Variants in ETV1 observed in about 807,000 individuals in gnomAD.
The protein encoded by ETV1 is ETS variant transcription factor 1.
In ETV1, 27 loss-of-function variants were observed where a neutral mutation model predicts 62.3. The ratio of observed to expected loss-of-function variants is 0.43; its 90% CI spans 0.32 to 0.60. The LOEUF (loss-of-function observed/expected upper bound fraction) is 0.60, where lower values mean the gene tolerates loss of function less well. Ranked by LOEUF, ETV1 falls within the 20% of genes least tolerant of loss-of-function variation. The pLI is 0.06. For synonymous variants in ETV1, 222 were observed against 199.6 expected (o/e 1.11, Z -0.94); for missense variants, 605 against 605.8 (o/e 1.00, Z 0.01).
At chr7:13,986,597 T>G in intron 5 of ETV1, 41 bp downstream of exon 5, 1 of 1,608,402 alleles carries the variant, frequency 6.2e-7, no homozygotes, top group Non-Finnish European at 8.5e-7. Context: ...TTTCTCCTTC[T>G]AGAGTTGCTT....
chr7:13,902,258 ACCTTTCTCCAGGTTTTTTTTTT>A (rs887338167), intron 12 of ETV1, among the ~76,000 whole-genome samples: 33 of 152,056 alleles, frequency 2.2e-4, no homozygotes, highest in African/African-American at 8.0e-4. Flanking sequence ...ATTAGTAATA[ACCTTTCTCCAGGTTTTTTTTTT>A]CCTTTAGAAA....
At chr7:13,923,691 T>C (rs953978892) in intron 9 of ETV1, among the ~76,000 whole-genome samples, 1 of 152,036 alleles carries the variant, frequency 6.6e-6, no homozygotes, top group Non-Finnish European at 1.5e-5. Flanking sequence ...TAAGGAAGTA[T>C]ATGAGGAGCC....
Position 13,989,395 on chromosome 7 carries a change from A to G in ETV1, c.-215T>C. ...CCTGCGCGGTCGGTGTACCCCGGGC[A>G]GCTCTGATTCGCAAACGTGTGCAAA... On this transcript the variant is annotated 5_prime_UTR_variant, in exon 2 of 14. Coordinates refer to ENST00000430479, the MANE Select transcript of ETV1 (RefSeq NM_004956.5). The G allele has an allele frequency of 2.2e-6, 1 of 450,736 alleles. No individual in the cohort carries two copies. The allele number at this position is 450,736 out of a possible 1,614,324, so 27.9% of individuals were successfully genotyped here. A position where few individuals can be genotyped will look rare whatever the true frequency, so the allele number is the denominator to read the frequency against.
chr7:13,946,746 G>T (rs977442857), intron 6 of ETV1, among the ~76,000 whole-genome samples: 2 of 151,882 alleles, frequency 1.3e-5, no homozygotes, highest in Non-Finnish European at 2.9e-5. Context: ...AAATATAAGG[G>T]GAGAATATGA....
chr7:13,987,068 T>A (rs561127127), intron 4 of ETV1: 1 of 183,278 alleles, frequency 5.5e-6, no homozygotes, highest in East Asian at 1.7e-4. Context: ...GGGGGAAGAT[T>A]AGAAAGACTG....
At chr7:13,988,812 G>C (rs1782805298) in intron 3 of ETV1, 196 bp downstream of exon 3, 1 of 1,604,362 alleles carries the variant, frequency 6.2e-7, no homozygotes. Flanking sequence ...ACAAAACTAT[G>C]CCTTATCCAA....
At chr7:13,978,685 A>T (rs1781687238) in intron 5 of ETV1, among the ~76,000 whole-genome samples, 1 of 152,002 alleles carries the variant, frequency 6.6e-6, no homozygotes, top group African/African-American at 2.4e-5. Flanking sequence ...TTAAGAAAAA[A>T]ATCTACATAA....
intron 6 of ETV1, among the ~76,000 whole-genome samples, chr7:13,971,159 C>T (rs780591066): frequency 5.9e-5 from 9 of 151,986 alleles, no homozygotes; most frequent in Non-Finnish European, 1.0e-4. Flanking sequence ...TTAGTAGAGA[C>T]GGGGTTTCGC....
chr7:13,973,932 A>G (rs142527532), intron 6 of ETV1, among the ~76,000 whole-genome samples: 2 of 152,208 alleles, frequency 1.3e-5, no homozygotes, highest in Non-Finnish European at 2.9e-5. Flanking sequence ...GGAAATAAGC[A>G]CTAAGAAGGT....
intron 6 of ETV1, among the ~76,000 whole-genome samples, chr7:13,950,882 C>T (rs1471835526): frequency 1.4e-5 from 2 of 147,756 alleles, no homozygotes; most frequent in East Asian, 4.0e-4. Flanking sequence ...GAAATCCAAA[C>T]TGCTGGCTTC....
At chr7:13,956,933 A>T (rs1255422100) in intron 6 of ETV1, among the ~76,000 whole-genome samples, 1 of 152,202 alleles carries the variant, frequency 6.6e-6, no homozygotes, top group Non-Finnish European at 1.5e-5. Context: ...ATGTCAAAAA[A>T]ATTAAGATGT....
chr7:13,977,581 G>T, intron 5 of ETV1, 101 bp from the exon 6 acceptor site: 1 of 771,482 alleles, frequency 1.3e-6, no homozygotes, highest in Non-Finnish European at 2.2e-6. Flanking sequence ...CTTGGGCTGA[G>T]ATCAAACCTA....
intron 6 of ETV1, among the ~76,000 whole-genome samples, chr7:13,953,118 AT>A (rs2128474136): frequency 6.6e-6 from 1 of 152,270 alleles, no homozygotes; most frequent in Non-Finnish European, 1.5e-5. Flanking sequence ...GCACGACACT[AT>A]TTTTTTGGAA....
At chr7:13,919,781 G>A (rs3801094) in intron 9 of ETV1, among the ~76,000 whole-genome samples, 52,324 of 151,452 alleles carry the variant, frequency 0.35, 9,421 homozygotes, top group Non-Finnish European at 0.4. Context: ...AACTATATTC[G>A]AAACCTAAAA....
At position 13,966,865 on chromosome 7, in the gene ETV1, T is replaced by C. The variant is rs1413426424; in HGVS notation, c.235+10562A>G. Reference sequence around the variant, plus strand: ...TAAGCTCCATGATAGCAGATATTTTTCTGACTTTTTTCACCACTGTATCTC... The same window carrying C: ...TAAGCTCCATGATAGCAGATATTTTCCTGACTTTTTTCACCACTGTATCTC... On this transcript the variant is annotated intron_variant, in intron 6 of 13. Coordinates refer to ENST00000430479, the MANE Select transcript of ETV1 (RefSeq NM_004956.5). Among the ~76,000 whole-genome samples, 3 of 152,148 alleles carry C rather than the reference T, an allele frequency of 2.0e-5. No homozygotes were observed. The East Asian group carries it at 5.8e-4, about 29-fold the overall frequency.
chr7:13,979,738 A>T (rs1016879305), intron 5 of ETV1, among the ~76,000 whole-genome samples: 1 of 152,160 alleles, frequency 6.6e-6, no homozygotes, highest in African/African-American at 2.4e-5. Flanking sequence ...TCTAATAAAA[A>T]TATAATATCC....
chr7:13,895,579 C>A lies in ETV1; in HGVS notation c.*287G>T. On this transcript the variant is annotated 3_prime_UTR_variant, in exon 14 of 14. Coordinates refer to ENST00000430479, the MANE Select transcript of ETV1 (RefSeq NM_004956.5). ...TTCATCATACTCAAAACTTGTAGGA[C>A]CCCATCCCAAGCCTAAGTAAAAAGT... The A allele has an allele frequency of 2.6e-6, 1 of 388,328 alleles. No homozygotes were observed. Among genetic ancestry groups the A allele is most frequent in the Non-Finnish European group, 4.7e-6 (1 of 214,876 alleles). The allele number at this position is 388,328 out of a possible 1,614,324, so 24.1% of individuals were successfully genotyped here. A position where few individuals can be genotyped will look rare whatever the true frequency, so the allele number is the denominator to read the frequency against.
intron 6 of ETV1, among the ~76,000 whole-genome samples, chr7:13,944,232 A>G (rs1268597468): frequency 1.3e-5 from 2 of 152,218 alleles, no homozygotes. Context: ...AGGCTGCTGT[A>G]ACAAAAATAC....
chr7:13,960,950 G>C (rs1311382585), intron 6 of ETV1, among the ~76,000 whole-genome samples: 1 of 151,978 alleles, frequency 6.6e-6, no homozygotes. Flanking sequence ...AAGACCGCTA[G>C]GTAACACAGC....
Sources: gnomAD v4.1 joint callset for allele counts (sites outside exome capture counted in the v4.1 genomes callset) on GRCh38, gnomAD v4.1.1 for gene constraint, MANE v1.5 for transcripts, NCBI Gene and HGNC (gene_info 2026-07-23, HGNC 2026-07-21) for gene names.